Variants in RPTOR observed in about 807,000 individuals in gnomAD.
The protein encoded by RPTOR is regulatory associated protein of MTOR complex 1, also known as regulatory-associated protein of mTOR.
RPTOR carries 21 observed loss-of-function variants against 169.9 expected under a neutral mutation model. That is an observed-to-expected ratio of 0.12 (90% CI 0.09 to 0.18). The LOEUF is 0.18. Among genes scored for constraint, RPTOR ranks in the 10% least tolerant of loss-of-function variants. The pLI, the probability that RPTOR is intolerant of heterozygous loss-of-function variation, is 1.00. For synonymous variants in RPTOR, 732 were observed against 753.2 expected (o/e 0.97, Z 0.46); for missense variants, 1,133 against 1,855.9 (o/e 0.61, Z 7.16).
At chr17:80,790,150 G>A (rs2067032600) in intron 6 of RPTOR, among the ~76,000 whole-genome samples, 2 of 152,228 alleles carry the variant, frequency 1.3e-5, no homozygotes, top group African/African-American at 2.4e-5. Context: ...ACCACTCAGA[G>A]TGGCACTGAC....
chr17:80,810,468 C>T (rs1403801112), intron 7 of RPTOR, among the ~76,000 whole-genome samples: 1 of 152,012 alleles, frequency 6.6e-6, no homozygotes, highest in Non-Finnish European at 1.5e-5. Context: ...CTGTATAGTT[C>T]TATTCTATTC....
chr17:80,910,552 G>A (rs569342578), intron 21 of RPTOR, among the ~76,000 whole-genome samples: 4 of 152,274 alleles, frequency 2.6e-5, no homozygotes, highest in South Asian at 2.1e-4. Flanking sequence ...CGGCTATGGC[G>A]TTGCCTCGGG....
chr17:80,909,676 C>G (rs900829699), intron 21 of RPTOR: 2 of 152,000 alleles, frequency 1.3e-5, no homozygotes, highest in African/African-American at 4.8e-5. Flanking sequence ...GACTTTTCTT[C>G]CCTTTCTGAT....
intron 3 of RPTOR, among the ~76,000 whole-genome samples, chr17:80,696,970 C>T (rs1353290228): frequency 6.6e-6 from 1 of 152,194 alleles, no homozygotes; most frequent in East Asian, 1.9e-4. Flanking sequence ...TCCGTCGCCC[C>T]CTGGCCCCAT....
chr17:80,962,905 C>T lies in RPTOR; in HGVS notation c.3810-23C>T, dbSNP rs113639886. 1.9e-3 allele frequency: 3,130 copies of T among 1,613,112 alleles called. 36 individuals are homozygous for T. In the South Asian group the frequency reaches 0.02, roughly 10 times the overall value. ...TCCTCAAAGAAGAGGGCAGTGATGCCGGGACCCTTTCTCTCCCCACAGTGG... is the reference window on the plus strand; with the variant it reads ...TCCTCAAAGAAGAGGGCAGTGATGCTGGGACCCTTTCTCTCCCCACAGTGG... On this transcript the variant is annotated intron_variant, in intron 32 of 33. Coordinates refer to ENST00000306801, the MANE Select transcript of RPTOR (RefSeq NM_020761.3).
chr17:80,963,914 T>G (rs1437971537), intron 33 of RPTOR, among the ~76,000 whole-genome samples: 1 of 152,108 alleles, frequency 6.6e-6, no homozygotes, highest in Admixed American at 6.5e-5. Context: ...TTCAGGCCGT[T>G]GTTTTTAGAT....
In RPTOR at chr17:80,679,937, A is replaced by T. The variant is rs539474560; in HGVS notation, c.349-27904A>T. 5.9e-5 allele frequency among the ~76,000 whole-genome samples: 9 copies of T among 152,284 alleles called. No individual in the cohort carries two copies. In the South Asian group the frequency reaches 1.5e-3, roughly 25 times the overall value. On this transcript the variant is annotated intron_variant, in intron 3 of 33. Coordinates refer to ENST00000306801, the MANE Select transcript of RPTOR (RefSeq NM_020761.3). The stretch of plus-strand genomic sequence containing the variant: ...GGTTCCCCAGAGCCCAGAGAGGCGG[A>T]GGGAGCCCCATGGTCCCTGTCCTGG...
At chr17:80,834,147 C>T (rs1299696618) in intron 9 of RPTOR, among the ~76,000 whole-genome samples, 1 of 152,190 alleles carries the variant, frequency 6.6e-6, no homozygotes. Context: ...AAGCTCCTCC[C>T]AGTACCTCCG....
intron 3 of RPTOR, among the ~76,000 whole-genome samples, chr17:80,698,479 C>A (rs541618832): frequency 6.6e-6 from 1 of 152,336 alleles, no homozygotes; most frequent in Non-Finnish European, 1.5e-5. Context: ...GGGGCCATTC[C>A]AGCCATTGAT....
At chr17:80,867,021 A>G (rs555462474) in intron 13 of RPTOR, among the ~76,000 whole-genome samples, 130 of 152,364 alleles carry the variant, frequency 8.5e-4, no homozygotes, top group Non-Finnish European at 1.3e-3. Context: ...CTATGAGGCC[A>G]GCATTACCTG....
chr17:80,678,913 T>C (rs1409866100), intron 3 of RPTOR, among the ~76,000 whole-genome samples: 1 of 152,244 alleles, frequency 6.6e-6, no homozygotes, highest in African/African-American at 2.4e-5. Context: ...GCCAGTGGCT[T>C]TCACTGCTGT....
intron 10 of RPTOR, among the ~76,000 whole-genome samples, chr17:80,841,930 TCACCGCACGGCAGCTCAC>T (rs2067672035): frequency 7.1e-6 from 1 of 141,046 alleles, no homozygotes; most frequent in Non-Finnish European, 1.5e-5. Flanking sequence ...CAGCTCACAC[TCACCGCACGGCAGCTCAC>T]ACTCACCGCA....
At chr17:80,843,895 C>G (rs1485145287) in intron 10 of RPTOR, among the ~76,000 whole-genome samples, 2 of 152,308 alleles carry the variant, frequency 1.3e-5, no homozygotes, top group East Asian at 3.9e-4. Flanking sequence ...GTCAAACTGC[C>G]TAGCACACAG....
chr17:80,552,938 G>C (rs1181974014), intron 1 of RPTOR, among the ~76,000 whole-genome samples: 2 of 152,240 alleles, frequency 1.3e-5, no homozygotes, highest in Non-Finnish European at 2.9e-5. Flanking sequence ...AGGATGCTCA[G>C]TCTGCTCACA....
intron 3 of RPTOR, among the ~76,000 whole-genome samples, chr17:80,661,340 A>AGAGTCG (rs144662905): frequency 0.066 from 10,011 of 152,196 alleles, 1,110 homozygotes; most frequent in African/African-American, 0.23. Context: ...TCACTATTGC[A>AGAGTCG]GAGTCGGAGC....
chr17:80,551,525 A>G (rs989207420), intron 1 of RPTOR, among the ~76,000 whole-genome samples: 6 of 152,328 alleles, frequency 3.9e-5, no homozygotes, highest in African/African-American at 1.4e-4. Context: ...GCTTTTAGAT[A>G]TGCATACACA....
chr17:80,688,396 G>C (rs537889339), intron 3 of RPTOR, among the ~76,000 whole-genome samples: 2 of 152,152 alleles, frequency 1.3e-5, no homozygotes, highest in African/African-American at 4.8e-5. Context: ...TCCCTCAACC[G>C]TTTCTCTCTG....
At chr17:80,737,539 C>T (rs2066443668) in intron 5 of RPTOR, among the ~76,000 whole-genome samples, 2 of 152,180 alleles carry the variant, frequency 1.3e-5, no homozygotes, top group Non-Finnish European at 2.9e-5. Flanking sequence ...GTAATCTGTG[C>T]CTTCCAGCCC....
intron 4 of RPTOR, among the ~76,000 whole-genome samples, chr17:80,727,104 C>T (rs2066342932): frequency 6.6e-6 from 1 of 152,050 alleles, no homozygotes; most frequent in African/African-American, 2.4e-5. Context: ...CACCTCTGAC[C>T]ACGTCACGCT....
Sources: allele counts gnomAD v4.1 joint callset (sites outside exome capture counted in the v4.1 genomes callset), GRCh38; gene constraint gnomAD v4.1.1; transcripts MANE v1.5; gene names NCBI Gene and HGNC (gene_info 2026-07-23, HGNC 2026-07-21).